SLC16A1: variants seen among roughly 807,000 people sequenced by gnomAD.
SLC16A1 encodes monocarboxylate transporter 1.
SLC16A1 carries 11 observed loss-of-function variants against 32.2 expected under a neutral mutation model. That is an observed-to-expected ratio of 0.34 (90% CI 0.21 to 0.56). SLC16A1 has a LOEUF of 0.56. Ranked by LOEUF, SLC16A1 falls within the 20% of genes least tolerant of loss-of-function variation. SLC16A1 has a pLI of 0.87. For synonymous variants in SLC16A1, 231 were observed against 226.8 expected, an observed-to-expected ratio of 1.02 and a Z score of -0.17; for missense variants, 435 against 615.0, an observed-to-expected ratio of 0.71 and a Z score of 3.10.
At chr1:112,920,054 C>T (rs974339903) in intron 3 of SLC16A1, among the ~76,000 whole-genome samples, 1 of 152,168 alleles carries the variant, frequency 6.6e-6, no homozygotes, top group African/African-American at 2.4e-5. Flanking sequence ...ACAGTTGTTG[C>T]TCAATAAATA....
Position 112,917,056 on chromosome 1 carries a change from T to C in SLC16A1, c.1228+122A>G, listed in dbSNP as rs889708171. On this transcript the variant is annotated intron_variant, in intron 4 of 4. Coordinates refer to ENST00000369626, the MANE Select transcript of SLC16A1 (RefSeq NM_003051.4). This position sits in a 1 kb window ranked among gnomAD's most constrained non-coding sequence, Gnocchi z 4.1. ...CCAAGCATTGTCCCAGCATCAAGGG[T>C]ACATAAATGAGAAAGATTTATTCTT... The C allele has an allele frequency of 9.0e-6, 11 of 1,219,500 alleles. No individual in the cohort carries two copies. The Admixed American group carries it at 1.2e-4, about 13-fold the overall frequency. The allele number at this position is 1,219,500 out of a possible 1,614,324, so 75.5% of individuals were successfully genotyped here.
In SLC16A1 at chr1:112,913,000, T is replaced by A. The variant is rs1648377172; in HGVS notation, c.*891A>T. ...GTGAATTCAGCTGATGTTTGAAATA[T>A]CTGTCTACATTTAATTAGATGTGTT... On this transcript the variant is annotated 3_prime_UTR_variant, in exon 5 of 5. Coordinates refer to ENST00000369626, the MANE Select transcript of SLC16A1 (RefSeq NM_003051.4). The A allele has an allele frequency of 6.6e-6, 1 of 152,176 alleles. No homozygotes were observed. The highest frequency in any genetic ancestry group is 2.1e-4 in the South Asian group (1 of 4,832). The allele number at this position is 152,176 out of a possible 1,614,324, so 9.4% of individuals were successfully genotyped here.
rs150752557 is a variant in SLC16A1 at position 112,933,412 on chromosome 1, C to T, written c.-44-4060G>A. On this transcript the variant is annotated intron_variant, in intron 1 of 4. Transcript: ENST00000369626. ...CGGAGGTTGCAGTGAGCTGAGATCA[C>T]GCCACTGCACTCCAGCATGGCCGAC... is the stretch of plus-strand genomic sequence containing the variant. Among the ~76,000 whole-genome samples the T allele has an allele frequency of 8.4e-3, 1,248 of 149,202 alleles. 20 individuals are homozygous for T. Among genetic ancestry groups the T allele is most frequent in the African/African-American group, 0.028 (1,141 of 40,508 alleles).
chr1:112,918,518 A>C (rs1250572344), intron 3 of SLC16A1, among the ~76,000 whole-genome samples: 1 of 152,214 alleles, frequency 6.6e-6, no homozygotes, highest in Non-Finnish European at 1.5e-5. Context: ...AAAATGCATA[A>C]GGCCAGCTGC....
Position 112,914,107 on chromosome 1 carries a change from G to T in SLC16A1, c.1287C>A (p.Val429=). The T allele has an allele frequency of 1.2e-6, 2 of 1,614,152 alleles. No homozygotes were observed. The highest frequency in any genetic ancestry group is 1.1e-5 in the South Asian group (1 of 91,082). ...YKYTYWACGV[V]LIISGIYLFI... ...AGAGATAGATACCTGAAATAATTAG[G>T]ACGACGCCACATGCCCAGTATGTGT... Residue 429 remains valine (V), a synonymous_variant, in exon 5 of 5, where the codon GTC becomes GTA. Transcript: ENST00000369626.
At chr1:112,924,422 C>T (rs1308983885) in intron 2 of SLC16A1, 1 of 986,236 alleles carries the variant, frequency 1.0e-6, no homozygotes, top group African/African-American at 1.6e-5. Flanking sequence ...TTAGAAGTGC[C>T]TCAGTAAATT....
At position 112,937,534 on chromosome 1, in the gene SLC16A1, T is replaced by TG. The variant is rs1286595024; in HGVS notation, c.-44-8183dup. Among the ~76,000 whole-genome samples the TG allele has an allele frequency of 2.6e-5, 4 of 151,672 alleles. No homozygotes were observed. In the South Asian group the frequency reaches 8.3e-4, roughly 32 times the overall value. ...CTTAAAAATACTGATGGTACATAAC[T>TG]GAAAAAAAAAAGTCAGTTAATATTA... On this transcript the variant is annotated intron_variant, in intron 1 of 4. Transcript: ENST00000369626.
At chr1:112,928,036 T>G (rs1648999794) in intron 2 of SLC16A1, among the ~76,000 whole-genome samples, 1 of 152,174 alleles carries the variant, frequency 6.6e-6, no homozygotes, top group African/African-American at 2.4e-5. Context: ...TTGATTTCTC[T>G]GAACTTATTA....
intron 2 of SLC16A1, among the ~76,000 whole-genome samples, chr1:112,922,558 G>A (rs940202619): frequency 1.3e-5 from 2 of 152,096 alleles, no homozygotes; most frequent in South Asian, 4.1e-4. Flanking sequence ...TGGATCACCC[G>A]AGGTCAGGAG....
intron 1 of SLC16A1, among the ~76,000 whole-genome samples, chr1:112,937,959 A>G (rs919855348): frequency 3.3e-5 from 5 of 152,138 alleles, no homozygotes; most frequent in Admixed American, 1.3e-4. Flanking sequence ...TTTTCTCGTA[A>G]CTCTCATGAA....
intron 2 of SLC16A1, among the ~76,000 whole-genome samples, chr1:112,924,796 G>C (rs905092306): frequency 6.6e-6 from 1 of 152,110 alleles, no homozygotes; most frequent in Non-Finnish European, 1.5e-5. Context: ...CTGAGGCGAA[G>C]AATCACTTGA....
chr1:112,913,838 T>C lies in SLC16A1; in HGVS notation c.*53A>G. On this transcript the variant is annotated 3_prime_UTR_variant, in exon 5 of 5. Transcript: ENST00000369626. ...GGTAGATTACAGGCCAGTAGAATAT[T>C]TTCAGATATCCTGGGTCATGAACTG... 2 of 1,606,858 alleles carry C rather than the reference T, an allele frequency of 1.2e-6. No homozygotes were observed. Among genetic ancestry groups the C allele is most frequent in the South Asian group, 1.1e-5 (1 of 90,894 alleles).
At chr1:112,922,947 T>C (rs1473602515) in intron 2 of SLC16A1, among the ~76,000 whole-genome samples, 2 of 152,072 alleles carry the variant, frequency 1.3e-5, no homozygotes, top group Non-Finnish European at 2.9e-5. Flanking sequence ...AGTCTCACTC[T>C]GTCACCCAAG....
intron 1 of SLC16A1, among the ~76,000 whole-genome samples, chr1:112,948,991 C>T (rs1240528845): frequency 4.6e-5 from 7 of 151,954 alleles, no homozygotes; most frequent in Non-Finnish European, 7.4e-5. Context: ...CCACCATGCC[C>T]GGTTAATTTT....
At chr1:112,937,997 C>T (rs1049910453) in intron 1 of SLC16A1, among the ~76,000 whole-genome samples, 3 of 152,062 alleles carry the variant, frequency 2.0e-5, no homozygotes, top group Non-Finnish European at 2.9e-5. Context: ...TCTGGAAAGC[C>T]GAAGCTGTGC....
At chr1:112,951,083 A>G (rs895424146) in intron 1 of SLC16A1, among the ~76,000 whole-genome samples, 1 of 151,984 alleles carries the variant, frequency 6.6e-6, no homozygotes, top group Non-Finnish European at 1.5e-5. Flanking sequence ...TAAAAAAAAG[A>G]TTGTTATTGC....
chr1:112,923,724 A>G lies in SLC16A1; in HGVS notation c.218-1591T>C, dbSNP rs189305379. The stretch of plus-strand genomic sequence containing the variant: ...CAGCACCCCGGTGGAAGAGACACTG[A>G]GTGCCTGCCACCAGCTGCACCAGGA... On this transcript the variant is annotated intron_variant, in intron 2 of 4. Coordinates refer to ENST00000369626, the MANE Select transcript of SLC16A1 (RefSeq NM_003051.4). The G allele has an allele frequency of 2.1e-4, 319 of 1,535,578 alleles. 2 individuals carry two copies. The African/African-American group carries it at 4.1e-3, about 20-fold the overall frequency.
intron 2 of SLC16A1, among the ~76,000 whole-genome samples, chr1:112,927,668 G>A (rs894275960): frequency 2.6e-5 from 4 of 152,150 alleles, no homozygotes; most frequent in African/African-American, 9.7e-5. Context: ...CGGTTTATAG[G>A]CCTATTATAA....
intron 1 of SLC16A1, among the ~76,000 whole-genome samples, chr1:112,930,799 A>G (rs1361820088): frequency 4.7e-5 from 7 of 148,512 alleles, no homozygotes; most frequent in Non-Finnish European, 1.5e-5. Context: ...ATCTTGGCTC[A>G]CTACAACCTC....
Sources: gnomAD v4.1 joint callset for allele counts (sites outside exome capture counted in the v4.1 genomes callset) on GRCh38, gnomAD v4.1.1 for gene constraint, Gnocchi (gnomAD v3.1) non-coding constraint, MANE v1.5 for transcripts, NCBI Gene and HGNC (gene_info 2026-07-23, HGNC 2026-07-21) for gene names.